Variants in MBNL1 observed in about 807,000 individuals in gnomAD.
MBNL1 encodes muscleblind-like protein 1.
A neutral mutation model predicts 42.2 loss-of-function variants in MBNL1; 8 were observed. That is an observed-to-expected ratio of 0.19 (90% CI 0.11 to 0.34). The LOEUF is 0.34. Ranked by LOEUF, MBNL1 falls within the 10% of genes least tolerant of loss-of-function variation. The probability of loss-of-function intolerance (pLI) is 1.00; values close to 1 mark genes in which losing one functional copy is unlikely to be tolerated. For synonymous variants in MBNL1, 169 were observed against 173.9 expected, an observed-to-expected ratio of 0.97 and a Z score of 0.22; for missense variants, 309 against 495.3, an observed-to-expected ratio of 0.62 and a Z score of 3.57.
intron 2 of MBNL1, among the ~76,000 whole-genome samples, chr3:152,375,101 A>C (rs1319691666): frequency 1.3e-5 from 2 of 152,180 alleles, no homozygotes; most frequent in African/African-American, 4.8e-5. Flanking sequence ...CAGCCTCCCA[A>C]GTAGCTGGGA....
chr3:152,296,701 T>TGTG (rs1253792756), intron 1 of MBNL1, among the ~76,000 whole-genome samples: 1 of 150,648 alleles, frequency 6.6e-6, no homozygotes, highest in Non-Finnish European at 1.5e-5. Flanking sequence ...TGTGTGTGTG[T>TGTG]TTTCAAATGT....
intron 1 of MBNL1, chr3:152,269,442 T>C (rs2038883503): frequency 2.3e-6 from 1 of 442,304 alleles, no homozygotes; most frequent in African/African-American, 2.0e-5. Flanking sequence ...TAATGACCTT[T>C]GTCGGGGGAA....
chr3:152,244,938 A>C (rs1448641866), intron 2 of MBNL1, among the ~76,000 whole-genome samples: 1 of 152,092 alleles, frequency 6.6e-6, no homozygotes, highest in Non-Finnish European at 1.5e-5. Flanking sequence ...ACATTTCAGT[A>C]TTATTTTTAT....
At chr3:152,260,309 C>T (rs1427315543) in intron 2 of MBNL1, among the ~76,000 whole-genome samples, 1 of 152,138 alleles carries the variant, frequency 6.6e-6, no homozygotes, top group Admixed American at 6.5e-5. Flanking sequence ...ATTGCAGAAA[C>T]ATGGGCATTC....
At chr3:152,453,800 A>G (rs1728267983) in intron 6 of MBNL1, among the ~76,000 whole-genome samples, 1 of 152,110 alleles carries the variant, frequency 6.6e-6, no homozygotes. Context: ...GAGATAGTAT[A>G]AGGTTAACTC....
intron 2 of MBNL1, among the ~76,000 whole-genome samples, chr3:152,306,481 C>T (rs2063189638): frequency 6.6e-6 from 1 of 152,152 alleles, no homozygotes; most frequent in African/African-American, 2.4e-5. Flanking sequence ...AAAGGCAAGA[C>T]ACCATAACTC....
intron 2 of MBNL1, chr3:152,302,205 A>G (rs1293913211): frequency 6.6e-6 from 1 of 152,178 alleles, no homozygotes; most frequent in Admixed American, 6.5e-5. Context: ...CAAGATTTTA[A>G]ATGTATTTAT....
At position 152,465,586 on chromosome 3, in the gene MBNL1, C is replaced by G. The variant is rs1204815253; in HGVS notation, c.*3220C>G. On this transcript the variant is annotated 3_prime_UTR_variant, in exon 10 of 10. Transcript: ENST00000324210. ...TCAGCAACCCTACCACTTTCATCTG[C>G]TGAAAGGACAAATGTGCTTGGTTTT... 1 of 152,614 alleles carries G rather than the reference C, an allele frequency of 6.6e-6. No individual in the cohort carries two copies. The highest frequency in any genetic ancestry group is 1.5e-5 in the Non-Finnish European group (1 of 68,040). The allele number at this position is 152,614 out of a possible 1,614,324, so 9.5% of individuals were successfully genotyped here.
At chr3:152,310,835 G>A (rs1485714561) in intron 2 of MBNL1, among the ~76,000 whole-genome samples, 2 of 151,840 alleles carry the variant, frequency 1.3e-5, no homozygotes, top group Non-Finnish European at 2.9e-5. Flanking sequence ...GGGTTGGGGG[G>A]AACCCATGAG....
At chr3:152,353,369 G>A (rs2095251222) in intron 2 of MBNL1, among the ~76,000 whole-genome samples, 1 of 152,168 alleles carries the variant, frequency 6.6e-6, no homozygotes, top group Non-Finnish European at 1.5e-5. Flanking sequence ...GTGTCTTTTG[G>A]CTAGAATAAT....
chr3:152,370,361 G>A (rs768646747), intron 2 of MBNL1, among the ~76,000 whole-genome samples: 8 of 152,102 alleles, frequency 5.3e-5, no homozygotes, highest in South Asian at 2.1e-4. Context: ...ACCAGGGTCC[G>A]GGAGACTGTT....
intron 2 of MBNL1, among the ~76,000 whole-genome samples, chr3:152,250,161 CA>C (rs2149389918): frequency 6.6e-6 from 1 of 151,936 alleles, no homozygotes; most frequent in African/African-American, 2.4e-5. Flanking sequence ...TGAAGAAAGT[CA>C]TTGGTAGCTT....
At chr3:152,311,001 C>CTT (rs71144111) in intron 2 of MBNL1, among the ~76,000 whole-genome samples, 3,887 of 77,576 alleles carry the variant, frequency 0.05, 237 homozygotes, top group Non-Finnish European at 0.056. Context: ...AACCATGAGA[C>CTT]TTTTTTTTTT....
chr3:152,295,642 A>AAGT (rs931461492), intron 1 of MBNL1, among the ~76,000 whole-genome samples: 1 of 152,226 alleles, frequency 6.6e-6, no homozygotes, highest in African/African-American at 2.4e-5. Context: ...AAGAGCTACA[A>AAGT]AGTACCAGAA....
intron 2 of MBNL1, among the ~76,000 whole-genome samples, chr3:152,368,068 G>A (rs1210546040): frequency 2.0e-5 from 3 of 151,808 alleles, no homozygotes; most frequent in African/African-American, 7.3e-5. Context: ...TGGTGTTTTA[G>A]TCATGAAGTC....
intron 1 of MBNL1, among the ~76,000 whole-genome samples, chr3:152,292,573 GACCAGCAGGCC>G (rs2056574597): frequency 6.6e-6 from 1 of 152,334 alleles, no homozygotes; most frequent in East Asian, 1.9e-4. Context: ...AAATGTGGCA[GACCAGCAGGCC>G]ACATTGGCAG....
intron 6 of MBNL1, among the ~76,000 whole-genome samples, chr3:152,450,504 A>T (rs1274825461): frequency 6.6e-6 from 1 of 152,236 alleles, no homozygotes; most frequent in African/African-American, 2.4e-5. Flanking sequence ...ACACAAGTGA[A>T]GCAAGAATAA....
At chr3:152,293,888 C>G (rs2057321767) in intron 1 of MBNL1, among the ~76,000 whole-genome samples, 2 of 152,052 alleles carry the variant, frequency 1.3e-5, no homozygotes, top group Non-Finnish European at 2.9e-5. Flanking sequence ...ATTTTCATAC[C>G]TTGTAAGCAT....
intron 2 of MBNL1, among the ~76,000 whole-genome samples, chr3:152,351,257 A>C (rs544851432): frequency 2.0e-5 from 3 of 152,304 alleles, no homozygotes; most frequent in Admixed American, 1.3e-4. Context: ...ATAGTTGTTA[A>C]ATGCCATGGT....
Sources: allele counts gnomAD v4.1 joint callset (sites outside exome capture counted in the v4.1 genomes callset), GRCh38; gene constraint gnomAD v4.1.1; transcripts MANE v1.5; gene names NCBI Gene and HGNC (gene_info 2026-07-23, HGNC 2026-07-21).